Variants in ASTN2 observed in about 807,000 individuals in gnomAD.
ASTN2 encodes astrotactin 2.
A neutral mutation model predicts 139.8 loss-of-function variants in ASTN2; 54 were observed. That is an observed-to-expected ratio of 0.39 (90% CI 0.31 to 0.48). ASTN2 has a LOEUF of 0.48. Ranked by LOEUF, ASTN2 falls within the 20% of genes least tolerant of loss-of-function variation. The probability of loss-of-function intolerance (pLI) is 0.95; values close to 1 mark genes in which losing one functional copy is unlikely to be tolerated. For missense variants in ASTN2, 1,565 were observed against 1,725.1 expected (o/e 0.91, Z 1.64); for synonymous variants, 756 against 719.5 (o/e 1.05, Z -0.81).
chr9:117,098,552 C>T (rs16934304), intron 4 of ASTN2, among the ~76,000 whole-genome samples: 16,235 of 152,036 alleles, frequency 0.11, 1,166 homozygotes, highest in East Asian at 0.19. Flanking sequence ...AGGTCTGTCC[C>T]GGAGCCTTAG....
At chr9:117,036,389 T>A (rs1838385186) in intron 6 of ASTN2, among the ~76,000 whole-genome samples, 1 of 152,212 alleles carries the variant, frequency 6.6e-6, no homozygotes, top group Non-Finnish European at 1.5e-5. Flanking sequence ...TAATTATATT[T>A]TCTTATTTTC....
intron 16 of ASTN2, among the ~76,000 whole-genome samples, chr9:116,655,618 T>C (rs895445155): frequency 1.3e-5 from 2 of 152,130 alleles, no homozygotes; most frequent in Admixed American, 1.3e-4. Context: ...CTTCCACTCA[T>C]CCCTCAGGTC....
At chr9:117,212,016 A>G (rs1832149886) in intron 3 of ASTN2, among the ~76,000 whole-genome samples, 1 of 152,230 alleles carries the variant, frequency 6.6e-6, no homozygotes, top group East Asian at 1.9e-4. Context: ...AAGCTGTAGT[A>G]ACCAAAGTTA....
chr9:117,210,983 A>AC (rs1276172147), intron 3 of ASTN2, among the ~76,000 whole-genome samples: 2 of 147,636 alleles, frequency 1.4e-5, no homozygotes, highest in Non-Finnish European at 3.0e-5. Flanking sequence ...TCTCAAAGCA[A>AC]AAAAAAAAAA....
chr9:116,488,919 C>T (rs529069407), intron 19 of ASTN2, among the ~76,000 whole-genome samples: 2 of 152,172 alleles, frequency 1.3e-5, no homozygotes, highest in South Asian at 4.1e-4. Flanking sequence ...GACTAAATGG[C>T]CTCTAAGTTC....
At chr9:117,020,000 T>TTC (rs1193319889) in intron 6 of ASTN2, among the ~76,000 whole-genome samples, 3 of 108,490 alleles carry the variant, frequency 2.8e-5, no homozygotes, top group East Asian at 3.1e-4. Context: ...CATTCAGGGT[T>TTC]TCTGTGTGTG....
chr9:116,889,939 AAAAT>A (rs1306898122), intron 10 of ASTN2, among the ~76,000 whole-genome samples: 1 of 152,144 alleles, frequency 6.6e-6, no homozygotes, highest in African/African-American at 2.4e-5. Flanking sequence ...AAAAAAATGA[AAAAT>A]AAGAAAGTTT....
chr9:117,120,018 G>GTATGTATATA (rs1554780401), intron 4 of ASTN2, among the ~76,000 whole-genome samples: 1 of 46,000 alleles, frequency 2.2e-5, no homozygotes, highest in African/African-American at 8.2e-5. Context: ...GTGTGTGTGT[G>GTATGTATATA]TATATATATA....
rs1167187783 is a variant in ASTN2 at position 117,128,371 on chromosome 9, C to CAAAAAAAAAAAA, written c.1168+12943_1168+12954dup. ...CTGGTGACAGAGTGAGACACTGTCT[C>CAAAAAAAAAAAA]AAAAAAAAAAAAAAAAAAAAAAAAA... On this transcript the variant is annotated intron_variant, in intron 4 of 22. Transcript: ENST00000313400. Among the ~76,000 whole-genome samples, 11 of 66,442 alleles carry CAAAAAAAAAAAA rather than the reference C, an allele frequency of 1.7e-4. 1 individual carries two copies. The highest frequency in any genetic ancestry group is 6.5e-4 in the African/African-American group (11 of 17,028). 43.6% of individuals were successfully genotyped at this position (66,442 alleles called of 152,430 possible).
At chr9:116,549,300 G>A (rs1852237692) in intron 19 of ASTN2, among the ~76,000 whole-genome samples, 1 of 151,868 alleles carries the variant, frequency 6.6e-6, no homozygotes, top group African/African-American at 2.4e-5. Flanking sequence ...GGAATGGGAG[G>A]TCAGGGAAGA....
chr9:116,481,123 C>T (rs112760660), intron 20 of ASTN2, among the ~76,000 whole-genome samples: 22 of 152,182 alleles, frequency 1.4e-4, no homozygotes, highest in African/African-American at 5.3e-4. Flanking sequence ...CATGGTTGCA[C>T]ATGCCTGTAA....
intron 12 of ASTN2, among the ~76,000 whole-genome samples, chr9:116,811,930 T>G (rs1474407807): frequency 6.6e-6 from 1 of 152,196 alleles, no homozygotes; most frequent in Non-Finnish European, 1.5e-5. Flanking sequence ...CCTTTTTTGT[T>G]TTTCTGCTGC....
chr9:116,644,255 CAG>C (rs1384524316), intron 17 of ASTN2, among the ~76,000 whole-genome samples: 1 of 152,026 alleles, frequency 6.6e-6, no homozygotes, highest in Non-Finnish European at 1.5e-5. Context: ...GCTTTTCTGG[CAG>C]AGAGAAAGAA....
chr9:117,202,805 T>C (rs576650386), intron 3 of ASTN2, among the ~76,000 whole-genome samples: 1 of 152,262 alleles, frequency 6.6e-6, no homozygotes, highest in East Asian at 1.9e-4. Flanking sequence ...CTGATGATTA[T>C]GTGTCTTGGG....
intron 13 of ASTN2, among the ~76,000 whole-genome samples, chr9:116,759,985 G>T (rs1326132531): frequency 6.6e-6 from 1 of 152,144 alleles, no homozygotes; most frequent in East Asian, 1.9e-4. Context: ...GCAGGACCCT[G>T]GTTTCTTTAT....
At chr9:116,886,914 G>A (rs1390231580) in intron 10 of ASTN2, among the ~76,000 whole-genome samples, 1 of 152,026 alleles carries the variant, frequency 6.6e-6, no homozygotes, top group Non-Finnish European at 1.5e-5. Context: ...GGAGCTTGGG[G>A]GAGCTGTGGT....
At chr9:117,368,091 G>A (rs1023054645) in intron 1 of ASTN2, among the ~76,000 whole-genome samples, 6 of 152,064 alleles carry the variant, frequency 3.9e-5, no homozygotes, top group African/African-American at 7.2e-5. Context: ...GGAAGCTAAC[G>A]ATCCGCAAGT....
intron 16 of ASTN2, among the ~76,000 whole-genome samples, chr9:116,680,450 G>T (rs1859780095): frequency 6.6e-6 from 1 of 152,152 alleles, no homozygotes; most frequent in Non-Finnish European, 1.5e-5. Context: ...GGGGTACAAG[G>T]AGGAACTGGT....
At chr9:117,133,603 TAG>T (rs1299951082) in intron 4 of ASTN2, among the ~76,000 whole-genome samples, 1 of 152,174 alleles carries the variant, frequency 6.6e-6, no homozygotes. Flanking sequence ...AGGCATGACC[TAG>T]ATATAGTTGT....
Sources: allele counts gnomAD v4.1 joint callset (sites outside exome capture counted in the v4.1 genomes callset), GRCh38; gene constraint gnomAD v4.1.1; transcripts MANE v1.5; gene names NCBI Gene and HGNC (gene_info 2026-07-23, HGNC 2026-07-21).